Variants in RPS6KA2 observed in about 807,000 individuals in gnomAD.
RPS6KA2 encodes ribosomal protein S6 kinase A2.
In RPS6KA2, 42 loss-of-function variants were observed where a neutral mutation model predicts 91.8. That is an observed-to-expected ratio of 0.46 (90% CI 0.36 to 0.59). The LOEUF (loss-of-function observed/expected upper bound fraction) is 0.59, where lower values mean the gene tolerates loss of function less well. RPS6KA2 is among the 20% of genes least tolerant of loss of function. The pLI is 0.00. For missense variants in RPS6KA2, 798 were observed against 978.5 expected, an observed-to-expected ratio of 0.82 and a Z score of 2.46; for synonymous variants, 414 against 393.6, an observed-to-expected ratio of 1.05 and a Z score of -0.61.
intron 2 of RPS6KA2, among the ~76,000 whole-genome samples, chr6:166,676,117 G>A (rs1788612942): frequency 6.6e-6 from 1 of 152,108 alleles, no homozygotes; most frequent in South Asian, 2.1e-4. Flanking sequence ...AGGCGTTGGA[G>A]ACCAGCCTGG....
upstream of RPS6KA2, among the ~76,000 whole-genome samples, chr6:166,631,637 T>A (rs1199625174): frequency 6.6e-6 from 1 of 152,258 alleles, no homozygotes; most frequent in Non-Finnish European, 1.5e-5. Context: ...AACACAGATT[T>A]TTTTTCGTCC....
At chr6:166,569,913 A>G (rs1314716868) in intron 1 of RPS6KA2, among the ~76,000 whole-genome samples, 1 of 152,190 alleles carries the variant, frequency 6.6e-6, no homozygotes, top group Non-Finnish European at 1.5e-5. Flanking sequence ...CCCAGGAGAA[A>G]AGCCTCACTC....
upstream of RPS6KA2, among the ~76,000 whole-genome samples, chr6:166,630,243 A>G (rs1380212127): frequency 6.6e-6 from 1 of 152,170 alleles, no homozygotes; most frequent in Non-Finnish European, 1.5e-5. Context: ...CTCTCTGCAT[A>G]TGGGAAGATG....
At chr6:166,446,357 T>C (rs2128453111) in intron 14 of RPS6KA2, among the ~76,000 whole-genome samples, 1 of 152,338 alleles carries the variant, frequency 6.6e-6, no homozygotes, top group African/African-American at 2.4e-5. Flanking sequence ...GGTTAATTTA[T>C]GCATCTTCCA....
intron 2 of RPS6KA2, among the ~76,000 whole-genome samples, chr6:166,699,536 G>A (rs537699569): frequency 1.3e-5 from 2 of 152,156 alleles, no homozygotes; most frequent in African/African-American, 2.4e-5. Context: ...TCTTTTTAAA[G>A]GGTGATATAT....
At chr6:166,699,158 G>A (rs1789438263) in intron 2 of RPS6KA2, among the ~76,000 whole-genome samples, 3 of 152,164 alleles carry the variant, frequency 2.0e-5, no homozygotes, top group Admixed American at 2.0e-4. Context: ...GAGATTTAAA[G>A]AAGCAAATGT....
chr6:166,817,686 T>C (rs1287502978), intron 2 of RPS6KA2, among the ~76,000 whole-genome samples: 2 of 151,834 alleles, frequency 1.3e-5, no homozygotes, highest in East Asian at 1.9e-4. Context: ...TGCAATTCAA[T>C]ACCACCTTTT....
chr6:166,789,532 C>T lies in RPS6KA2; in HGVS notation c.123+68668G>A, dbSNP rs140891944. ...AGAGAGTAGTGGTTCTCCCAGCATG[C>T]AGCTGGAGATCTGAGAACAGGCAGA... On this transcript the variant is annotated intron_variant, in intron 2 of 21. Transcript: ENST00000503859. Among the ~76,000 whole-genome samples the T allele has an allele frequency of 0.032, 4,877 of 152,354 alleles. 496 individuals carry two copies. The East Asian group carries it at 0.38, about 12-fold the overall frequency.
At chr6:166,610,293 C>T (rs564231896) in intron 1 of RPS6KA2, among the ~76,000 whole-genome samples, 8 of 152,314 alleles carry the variant, frequency 5.3e-5, no homozygotes, top group African/African-American at 9.6e-5. Flanking sequence ...AATGGCCTTC[C>T]GCTCCTTTCC....
intron 2 of RPS6KA2, among the ~76,000 whole-genome samples, chr6:166,832,112 G>C (rs1479661936): frequency 1.3e-5 from 2 of 152,154 alleles, no homozygotes; most frequent in Non-Finnish European, 2.9e-5. Flanking sequence ...TGAGTTGGTT[G>C]CATGTTATGA....
intron 2 of RPS6KA2, among the ~76,000 whole-genome samples, chr6:166,809,843 C>T (rs1019886169): frequency 1.3e-5 from 2 of 152,330 alleles, no homozygotes; most frequent in East Asian, 3.9e-4. Flanking sequence ...GTGTTCAACG[C>T]AGGCCCATGG....
At chr6:166,506,468 A>C (rs944226886) in intron 5 of RPS6KA2, among the ~76,000 whole-genome samples, 1 of 152,170 alleles carries the variant, frequency 6.6e-6, no homozygotes, top group Non-Finnish European at 1.5e-5. Context: ...CCACATGAGG[A>C]ATGGGCAGAC....
intron 2 of RPS6KA2, among the ~76,000 whole-genome samples, chr6:166,790,161 T>C (rs771114199): frequency 1.1e-3 from 172 of 152,068 alleles, no homozygotes; most frequent in Non-Finnish European, 2.0e-3. Flanking sequence ...TGCAGAGAAG[T>C]CCTTAAAGGA....
At chr6:166,794,055 G>C (rs75199477) in intron 2 of RPS6KA2, among the ~76,000 whole-genome samples, 42,608 of 137,016 alleles carry the variant, frequency 0.31, 6,907 homozygotes, top group Middle Eastern at 0.35. Flanking sequence ...ACTACCATCA[G>C]AGTGAACAAG....
intron 10 of RPS6KA2, among the ~76,000 whole-genome samples, chr6:166,480,846 C>T (rs7768231): frequency 0.16 from 23,951 of 151,576 alleles, 2,237 homozygotes; most frequent in African/African-American, 0.24. Context: ...GATGGGGTTT[C>T]GCCATGTTGG....
chr6:166,468,375 G>A (rs1448018795), intron 11 of RPS6KA2, among the ~76,000 whole-genome samples: 1 of 152,212 alleles, frequency 6.6e-6, no homozygotes, highest in Non-Finnish European at 1.5e-5. Context: ...AGTCAGAACT[G>A]TAAAACTAGG....
intron 2 of RPS6KA2, among the ~76,000 whole-genome samples, chr6:166,679,718 G>GAGGCC (rs1788726616): frequency 6.6e-6 from 1 of 152,236 alleles, no homozygotes; most frequent in Non-Finnish European, 1.5e-5. Flanking sequence ...GGGGCTGGCC[G>GAGGCC]AGGCCGGAGC....
chr6:166,564,994 G>A (rs945227812), intron 1 of RPS6KA2, among the ~76,000 whole-genome samples: 1 of 152,190 alleles, frequency 6.6e-6, no homozygotes, highest in African/African-American at 2.4e-5. Flanking sequence ...ACCCTTATGA[G>A]GTGTTCACGT....
rs752989673 is a variant in RPS6KA2 at position 166,821,879 on chromosome 6, CT to C, written c.123+36320del. On this transcript the variant is annotated intron_variant, in intron 2 of 21. Transcript: ENST00000503859. The surrounding 1 kb of genome is among the most constrained non-coding windows in gnomAD (Gnocchi z 4.1). ...CCCCACTCAGACACGCTCTTCTCTC[CT>C]TCTTCCCCTTCTCAGTTAACGGCAC... Among the ~76,000 whole-genome samples the C allele has an allele frequency of 6.6e-6, 1 of 152,174 alleles. No homozygotes were observed. The highest frequency in any genetic ancestry group is 1.5e-5 in the Non-Finnish European group (1 of 68,042).
Sources: allele counts gnomAD v4.1 joint callset (sites outside exome capture counted in the v4.1 genomes callset), GRCh38; gene constraint gnomAD v4.1.1; non-coding constraint Gnocchi (gnomAD v3.1); transcripts MANE v1.5; gene names NCBI Gene and HGNC (gene_info 2026-07-23, HGNC 2026-07-21).